The following ADAM33 variants were observed in gnomAD, a reference collection of about 807,000 sequenced individuals.
ADAM33 encodes ADAM metallopeptidase domain 33.
Under a neutral mutation model 106.2 loss-of-function variants are expected in ADAM33, and 103 were observed. That is an observed-to-expected ratio of 0.97 (90% CI 0.83 to 1.14). The LOEUF is 1.14. Ranked by LOEUF, ADAM33 falls within the 50% of genes most tolerant of loss-of-function variation. The pLI, the probability that ADAM33 is intolerant of heterozygous loss-of-function variation, is 0.00. For missense variants in ADAM33, 1,120 were observed against 1,096.6 expected, an observed-to-expected ratio of 1.02 and a Z score of -0.30; for synonymous variants, 483 against 453.0, an observed-to-expected ratio of 1.07 and a Z score of -0.84.
At position 3,673,495 on chromosome 20, in the gene ADAM33, T is replaced by A; in HGVS notation, c.992A>T (p.Asp331Val). The A allele has an allele frequency of 2.0e-6, 3 of 1,494,884 alleles. No homozygotes were observed. Among genetic ancestry groups the A allele is most frequent in the Non-Finnish European group, 2.7e-6 (3 of 1,130,844 alleles). 92.6% of individuals were successfully genotyped at this position (1,494,884 alleles called of 1,614,324 possible). The change falls in exon 11 of 22, where the codon GAC becomes GTC. Residue 331 changes from aspartate to valine, a missense_variant and splice_region_variant. By Grantham distance (152) the Asp-to-Val change is radical. Coordinates refer to ENST00000356518, the MANE Select transcript of ADAM33 (RefSeq NM_025220.5). ...RAESSGGVST[D>V]HSELPIGAAA... ...GGCGCCGATGGGGAGCTCCGAGTGG[T>A]CCTGGGGGGCCGTGGGAGGGCGGTC...
rs41492952 is a variant in ADAM33, at chr20:3,670,152, C to G, written c.2241-515G>C. On this transcript the variant is annotated intron_variant, in intron 19 of 21. Transcript: ENST00000356518. ...CAGCCGCCACCCTCTGCAGCGCCCC[C>G]TCCGTGCTGACACGCCAGGCTCTGG... 5.4e-4 allele frequency: 110 copies of G among 201,984 alleles called. No homozygotes were observed. In the East Asian group the frequency reaches 0.014, roughly 26 times the overall value. 12.5% of individuals were successfully genotyped at this position (201,984 alleles called of 1,614,324 possible).
intron 19 of ADAM33, 112 bp from the exon 20 acceptor site, chr20:3,669,749 G>A: frequency 1.0e-6 from 1 of 994,394 alleles, no homozygotes; most frequent in Non-Finnish European, 1.5e-6. Context: ...TGAGTTTCTT[G>A]GGGCACCCAT....
intron 2 of ADAM33, among the ~76,000 whole-genome samples, chr20:3,677,908 C>A (rs143937903): frequency 6.6e-6 from 1 of 152,220 alleles, no homozygotes; most frequent in African/African-American, 2.4e-5. Context: ...GAGTTGGAGC[C>A]GGCCCAGGAG....
At chr20:3,672,399 G>A (rs756654266) in intron 13 of ADAM33, 70 bp from the exon 14 acceptor site, 3 of 1,580,224 alleles carry the variant, frequency 1.9e-6, no homozygotes, top group Non-Finnish European at 2.6e-6. Context: ...TGCCGAGAGC[G>A]CGGCTCGGAG....
chr20:3,675,068 C>G lies in ADAM33; in HGVS notation c.292G>C (p.Gly98Arg), dbSNP rs779138944. The change falls in exon 4 of 22, where the codon GGC (glycine) becomes CGC (arginine). Residue 98 changes from glycine to arginine, a missense_variant. By Grantham distance (125) the Gly-to-Arg change is moderately radical (BLOSUM62 -2). Coordinates refer to ENST00000356518, the MANE Select transcript of ADAM33 (RefSeq NM_025220.5). The surrounding 1 kb of genome is among the most constrained non-coding windows in gnomAD (Gnocchi z 4.1). Reference protein sequence around the residue: ...LAPGYIETHYGPDGQPVVLAP... With the variant: ...LAPGYIETHYRPDGQPVVLAP... ...AGCACCACTGGCTGCCCATCTGGGC[C>G]GTAGTGGGTTTCTATGTATCCTGGG... The G allele has an allele frequency of 6.2e-7, 1 of 1,613,306 alleles. No individual in the cohort carries two copies. The highest frequency in any genetic ancestry group is 1.1e-5 in the South Asian group (1 of 90,766).
At chr20:3,679,640 GA>G (rs1384478529) in intron 1 of ADAM33, 69 bp from the exon 2 acceptor site, 2 of 1,386,312 alleles carry the variant, frequency 1.4e-6, no homozygotes, top group African/African-American at 2.9e-5. Flanking sequence ...AAAGCAGAGG[GA>G]GGGGGGTAGA....
intron 11 of ADAM33, 119 bp downstream of exon 11, chr20:3,673,235 A>G (rs1422624246): frequency 8.5e-6 from 13 of 1,533,640 alleles, no homozygotes; most frequent in Non-Finnish European, 1.0e-5. Flanking sequence ...TGAAGCGGAC[A>G]CTATGATCAT....
rs527272494 is a variant in ADAM33, at chr20:3,668,869, G to A, written c.*94C>T. The A allele has an allele frequency of 1.1e-4, 163 of 1,454,704 alleles. No homozygotes were observed. Among genetic ancestry groups the A allele is most frequent in the East Asian group, 2.3e-4 (10 of 43,956 alleles). 90.1% of individuals were successfully genotyped at this position (1,454,704 alleles called of 1,614,324 possible). A position where few individuals can be genotyped will look rare whatever the true frequency, so the allele number is the denominator to read the frequency against. On this transcript the variant is annotated 3_prime_UTR_variant, in exon 22 of 22. Transcript: ENST00000356518. The stretch of plus-strand genomic sequence containing the variant: ...AGCTGCCTGCAGGTGCTGGAGGTCC[G>A]GTGATTCACTGGCTCTGCCCCTGCA...
At position 3,673,825 on chromosome 20, in the gene ADAM33, G is replaced by C. The variant is rs2087744091; in HGVS notation, c.825C>G (p.Ala275=). Residue 275 remains alanine, a synonymous_variant, in exon 9 of 22, where the codon GCC becomes GCG. Transcript: ENST00000356518. ...GCAGGAAGGCCCAGAGCGTGGCGTT[G>C]GCGTCCTGCGTGACGCGGCTGCGGT... The part of the protein sequence containing the change: ...ERDRSRVTQD[A]NATLWAFLQW... 5.8e-6 allele frequency: 9 copies of C among 1,555,806 alleles called. No homozygotes were observed. Among genetic ancestry groups the C allele is most frequent in the Non-Finnish European group, 6.0e-6 (7 of 1,158,308 alleles).
chr20:3,675,072 G>A lies in ADAM33; in HGVS notation c.288C>T (p.His96=). The A allele has an allele frequency of 2.5e-6, 4 of 1,613,406 alleles. No homozygotes were observed. Among genetic ancestry groups the A allele is most frequent in the Non-Finnish European group, 3.4e-6 (4 of 1,179,876 alleles). ...RLLAPGYIET[H]YGPDGQPVVL... ...CCACTGGCTGCCCATCTGGGCCGTA[G>A]TGGGTTTCTATGTATCCTGGGGCCA... is the stretch of plus-strand genomic sequence containing the variant. Residue 96 remains histidine (H), a synonymous_variant, in exon 4 of 22, where the codon CAC becomes CAT. Transcript: ENST00000356518. The surrounding 1 kb of genome is among the most constrained non-coding windows in gnomAD (Gnocchi z 4.1).
At chr20:3,681,313 A>C (rs1201927869) in intron 1 of ADAM33, among the ~76,000 whole-genome samples, 1 of 152,194 alleles carries the variant, frequency 6.6e-6, no homozygotes, top group Admixed American at 6.5e-5. Flanking sequence ...GACACCTTCT[A>C]TCTGGAGAGG....
In ADAM33 at chr20:3,671,888, G is replaced by T; in HGVS notation, c.1695C>A (p.Pro565=). The change falls in exon 15 of 22, where the codon CCC becomes CCA. Residue 565 remains proline, a synonymous_variant. Coordinates refer to ENST00000356518, the MANE Select transcript of ADAM33 (RefSeq NM_025220.5). The part of the protein sequence containing the change: ...CGQDSEGHFL[P]CAGRDALCGK... ...GCTCCACTCCCTACCTCCCTGCACAGGGCAGGAAGTGGCCCTCGCTGTCCT... is the reference window on the plus strand; with the variant it reads ...GCTCCACTCCCTACCTCCCTGCACATGGCAGGAAGTGGCCCTCGCTGTCCT... The T allele has an allele frequency of 6.4e-7, 1 of 1,553,110 alleles. No homozygotes were observed. Among genetic ancestry groups the T allele is most frequent in the Non-Finnish European group, 8.7e-7 (1 of 1,147,716 alleles).
intron 2 of ADAM33, 136 bp downstream of exon 2, chr20:3,679,356 G>C: frequency 1.2e-6 from 1 of 821,660 alleles, no homozygotes; most frequent in South Asian, 1.7e-5. Flanking sequence ...GAGGGGCAGG[G>C]GAGGCAGGGG....
intron 19 of ADAM33, chr20:3,670,701 A>C: frequency 5.5e-6 from 2 of 365,490 alleles, no homozygotes; most frequent in South Asian, 5.5e-5. Context: ...AGGGAAAAAC[A>C]GGGCGAAGTC....
chr20:3,674,408 A>G lies in ADAM33; in HGVS notation c.600+96T>C, dbSNP rs1325332745. 6 of 1,600,588 alleles carry G rather than the reference A, an allele frequency of 3.7e-6. No homozygotes were observed. The African/African-American group carries it at 8.1e-5, about 22-fold the overall frequency. On this transcript the variant is annotated intron_variant, in intron 6 of 21. Coordinates refer to ENST00000356518, the MANE Select transcript of ADAM33 (RefSeq NM_025220.5). ...AACTTGTTTCTTCAGACTTCAATAA[A>G]AATACTGGGACTCGAGGCCTGTGAA...
At position 3,672,704 on chromosome 20, in the gene ADAM33, G is replaced by A; in HGVS notation, c.1311+17C>T. On this transcript the variant is annotated intron_variant, in intron 12 of 21. Transcript: ENST00000356518. The stretch of plus-strand genomic sequence containing the variant: ...TGAGCGGAGAGGGCAAGTGGGGGCC[G>A]GGCGAGCCGACTTAACCTGGCCAGG... 1.3e-6 allele frequency: 2 copies of A among 1,587,192 alleles called. No individual in the cohort carries two copies. The highest frequency in any genetic ancestry group is 1.7e-5 in the Admixed American group (1 of 57,578).
Position 3,673,343 on chromosome 20 carries a change from C to A in ADAM33, c.1133+11G>T. 4 of 1,537,692 alleles carry A rather than the reference C, an allele frequency of 2.6e-6. No homozygotes were observed. Among genetic ancestry groups the A allele is most frequent in the Non-Finnish European group, 3.5e-6 (4 of 1,148,050 alleles). ...CCGCCCCGCCGCAGCCCCGACCCCC[C>A]ACCCGCGTACCCGGTGGCCGCAGCC... On this transcript the variant is annotated intron_variant, in intron 11 of 21. Coordinates refer to ENST00000356518, the MANE Select transcript of ADAM33 (RefSeq NM_025220.5).
intron 4 of ADAM33, 27 bp from the exon 5 acceptor site, chr20:3,674,876 T>C (rs1887072781): frequency 6.2e-7 from 1 of 1,608,480 alleles, no homozygotes; most frequent in African/African-American, 1.3e-5. Flanking sequence ...CAGCCCCAAA[T>C]CTCAGCCAGG....
In ADAM33 at chr20:3,674,204, G is replaced by A; in HGVS notation, c.666+15C>T. ...CCCATCCCTGACCCCGCCAACCCCT[G>A]GGGTCTCTCCTCACCAGGGTGTGGT... On this transcript the variant is annotated intron_variant, in intron 7 of 21. Transcript: ENST00000356518. The A allele has an allele frequency of 6.2e-7, 1 of 1,614,078 alleles. No individual in the cohort carries two copies. Among genetic ancestry groups the A allele is most frequent in the South Asian group, 1.1e-5 (1 of 91,090 alleles).
Sources: allele counts gnomAD v4.1 joint callset (sites outside exome capture counted in the v4.1 genomes callset), GRCh38; gene constraint gnomAD v4.1.1; non-coding constraint Gnocchi (gnomAD v3.1); transcripts MANE v1.5; gene names NCBI Gene and HGNC (gene_info 2026-07-23, HGNC 2026-07-21).